The following LIPC variants were observed in gnomAD, a reference collection of about 807,000 sequenced individuals.
The protein encoded by LIPC is lipase C, hepatic type.
LIPC carries 44 observed loss-of-function variants against 50.7 expected under a neutral mutation model. The ratio of observed to expected loss-of-function variants is 0.87; its 90% CI spans 0.68 to 1.11. The LOEUF is 1.11. LIPC is among the 50% of genes most tolerant of loss of function. The pLI, the probability that LIPC is intolerant of heterozygous loss-of-function variation, is 0.00. For synonymous variants in LIPC, 271 were observed against 256.4 expected, an observed-to-expected ratio of 1.06 and a Z score of -0.54; for missense variants, 697 against 648.2, an observed-to-expected ratio of 1.08 and a Z score of -0.82.
At chr15:58,559,150 T>G (rs972851706) in intron 6 of LIPC, among the ~76,000 whole-genome samples, 3 of 152,222 alleles carry the variant, frequency 2.0e-5, no homozygotes, top group Non-Finnish European at 2.9e-5. Context: ...GAGATGAATT[T>G]CCACATGCTG....
intron 1 of LIPC, among the ~76,000 whole-genome samples, chr15:58,473,054 G>A (rs995798845): frequency 1.3e-5 from 2 of 152,188 alleles, no homozygotes; most frequent in African/African-American, 4.8e-5. Context: ...GGACAGCTGG[G>A]GAGGGGGAGG....
At chr15:58,498,876 G>T (rs1891870391) in intron 1 of LIPC, 3 of 152,306 alleles carry the variant, frequency 2.0e-5, no homozygotes, top group Admixed American at 6.5e-5. Context: ...AAAGAATGCT[G>T]TGCGTGCTTG....
intron 1 of LIPC, among the ~76,000 whole-genome samples, chr15:58,482,692 C>A (rs1891233122): frequency 6.6e-6 from 1 of 152,126 alleles, no homozygotes; most frequent in South Asian, 2.1e-4. Flanking sequence ...CCCTGGATGT[C>A]CCCCTAATCC....
chr15:58,510,208 G>C (rs1052438286), intron 1 of LIPC, among the ~76,000 whole-genome samples: 3 of 152,202 alleles, frequency 2.0e-5, no homozygotes, highest in Non-Finnish European at 4.4e-5. Flanking sequence ...TATGTCTTCA[G>C]TTGTAAGGTC....
At chr15:58,497,456 G>T (rs1167189116) in intron 1 of LIPC, among the ~76,000 whole-genome samples, 1 of 152,170 alleles carries the variant, frequency 6.6e-6, no homozygotes, top group Non-Finnish European at 1.5e-5. Context: ...AGCAAATAAT[G>T]CTCAATGACC....
intron 1 of LIPC, among the ~76,000 whole-genome samples, chr15:58,525,320 A>G (rs558566738): frequency 6.6e-6 from 1 of 152,372 alleles, no homozygotes; most frequent in South Asian, 2.1e-4. Context: ...AAGCTCCTGT[A>G]TACACAGCTT....
At chr15:58,538,201 G>A in intron 1 of LIPC, 132 bp from the exon 2 acceptor site, 1 of 893,956 alleles carries the variant, frequency 1.1e-6, no homozygotes, top group Non-Finnish European at 1.9e-6. Flanking sequence ...CCACAGTTGT[G>A]GCTCATTCTG....
At chr15:58,546,721 G>GC (rs1471199711) in intron 5 of LIPC, among the ~76,000 whole-genome samples, 8 of 152,026 alleles carry the variant, frequency 5.3e-5, no homozygotes, top group African/African-American at 1.9e-4. Context: ...ATCACTCCAA[G>GC]CCAAGTAGAG....
chr15:58,531,076 C>T (rs1054180400), intron 1 of LIPC, among the ~76,000 whole-genome samples: 4 of 152,308 alleles, frequency 2.6e-5, no homozygotes, highest in Admixed American at 6.5e-5. Flanking sequence ...ACTTGTCAAA[C>T]GGTTTTCCAA....
Position 58,548,494 on chromosome 15 carries a change from G to C in LIPC, c.973G>C (p.Gly325Arg), listed in dbSNP as rs1472207880. ...SCKKGRCNTLGYHVRQEPRSK... is the reference protein window; with the variant it reads ...SCKKGRCNTLRYHVRQEPRSK... The stretch of plus-strand genomic sequence containing the variant: ...CAAGAAGGGCCGCTGCAACACGCTG[G>C]GCTACCACGTCCGCCAGGAGCCGCG... The change falls in exon 6 of 9, where the codon GGC becomes CGC. Residue 325 changes from glycine to arginine, a missense_variant. Coordinates refer to ENST00000299022, the MANE Select transcript of LIPC (RefSeq NM_000236.3). 2 of 1,609,178 alleles carry C rather than the reference G, an allele frequency of 1.2e-6. No homozygotes were observed. Among genetic ancestry groups the C allele is most frequent in the Middle Eastern group, 1.7e-4 (1 of 6,048 alleles).
At chr15:58,525,591 G>A (rs563254398) in intron 1 of LIPC, among the ~76,000 whole-genome samples, 15 of 152,350 alleles carry the variant, frequency 9.8e-5, no homozygotes, top group African/African-American at 3.4e-4. Context: ...GGCCTTCTGG[G>A]AGAGTCCCAG....
chr15:58,464,172 C>G (rs1311471609), intron 1 of LIPC, among the ~76,000 whole-genome samples: 2 of 152,108 alleles, frequency 1.3e-5, no homozygotes, highest in African/African-American at 4.8e-5. Context: ...TCTATACTTG[C>G]CCCTTTCTAT....
At chr15:58,537,078 G>A (rs1051263925) in intron 1 of LIPC, among the ~76,000 whole-genome samples, 13 of 152,214 alleles carry the variant, frequency 8.5e-5, no homozygotes, top group Admixed American at 5.2e-4. Context: ...CTCCTCAGCC[G>A]CAGGGGAGCC....
At chr15:58,514,121 G>C (rs563075511) in intron 1 of LIPC, among the ~76,000 whole-genome samples, 5 of 152,322 alleles carry the variant, frequency 3.3e-5, no homozygotes, top group African/African-American at 1.2e-4. Context: ...CTGGCATCAA[G>C]TTTATCATCG....
intron 1 of LIPC, among the ~76,000 whole-genome samples, chr15:58,475,977 C>CA (rs1474928623): frequency 6.6e-6 from 1 of 152,208 alleles, no homozygotes; most frequent in Non-Finnish European, 1.5e-5. Context: ...GCACTGAACA[C>CA]ACGTTAGCAA....
rs765754625 is a variant in LIPC at position 58,563,764 on chromosome 15, C to T, written c.1388+41C>T. The T allele has an allele frequency of 4.6e-6, 7 of 1,508,374 alleles. No homozygotes were observed. In the South Asian group the frequency reaches 5.8e-5, roughly 12 times the overall value. The allele number at this position is 1,508,374 out of a possible 1,614,324, so 93.4% of individuals were successfully genotyped here. A position where few individuals can be genotyped will look rare whatever the true frequency, so the allele number is the denominator to read the frequency against. On this transcript the variant is annotated intron_variant, in intron 8 of 8. Transcript: ENST00000299022. ...ATCTCCTATTAACGTCCATTAAGCA[C>T]CCACTTGTGCCAGGCAGTCTCACAA...
chr15:58,507,286 C>G (rs959849554), intron 1 of LIPC, among the ~76,000 whole-genome samples: 5 of 149,940 alleles, frequency 3.3e-5, no homozygotes, highest in Admixed American at 2.0e-4. Context: ...TTTGCTTTCT[C>G]TAAAAAAAGA....
At chr15:58,558,078 T>C (rs1894020071) in intron 6 of LIPC, among the ~76,000 whole-genome samples, 1 of 151,894 alleles carries the variant, frequency 6.6e-6, no homozygotes, top group African/African-American at 2.4e-5. Flanking sequence ...TTTCTTTTTT[T>C]TTTTTTCTTT....
At chr15:58,452,468 T>C (rs1192023583) in intron 1 of LIPC, among the ~76,000 whole-genome samples, 1 of 152,218 alleles carries the variant, frequency 6.6e-6, no homozygotes, top group African/African-American at 2.4e-5. Context: ...ATTTCTCCCA[T>C]TCCAGCCTTC....
Sources: gnomAD v4.1 joint callset for allele counts (sites outside exome capture counted in the v4.1 genomes callset) on GRCh38, gnomAD v4.1.1 for gene constraint, MANE v1.5 for transcripts, NCBI Gene and HGNC (gene_info 2026-07-23, HGNC 2026-07-21) for gene names.